GOLGA4: variants seen among roughly 807,000 people sequenced by gnomAD.
The protein encoded by GOLGA4 is golgin subfamily A member 4.
Under a neutral mutation model 265.9 loss-of-function variants are expected in GOLGA4, and 169 were observed. The observed-to-expected ratio is 0.64, with a 90% CI of 0.56 to 0.72. GOLGA4 has a LOEUF of 0.72. Ranked by LOEUF, GOLGA4 falls within the 30% of genes least tolerant of loss-of-function variation. The pLI is 0.00. For missense variants in GOLGA4, 2,482 were observed against 2,483.4 expected (o/e 1.00, Z 0.01); for synonymous variants, 923 against 855.8 (o/e 1.08, Z -1.37).
chr3:37,362,208 TA>T lies in GOLGA4; in HGVS notation c.*33+904del, dbSNP rs1406155021. 5.5e-4 allele frequency among the ~76,000 whole-genome samples: 19 copies of T among 34,818 alleles called. No homozygotes were observed. In the South Asian group the frequency reaches 0.018, roughly 33 times the overall value. 22.8% of individuals were successfully genotyped at this position (34,818 alleles called of 152,430 possible). ...CCGTTCTTTTAAGCTTTTATTTATT[TA>T]TTTATTTATTTATTTATTTATTTAT... On this transcript the variant is annotated intron_variant, in intron 23 of 23. Transcript: ENST00000361924.
chr3:37,337,069 T>C lies in GOLGA4; in HGVS notation c.6307-74T>C, dbSNP rs111357122. 1.3e-5 allele frequency: 12 copies of C among 957,780 alleles called. No individual in the cohort carries two copies. In the African/African-American group the frequency reaches 1.5e-4, roughly 12 times the overall value. 59.3% of individuals were successfully genotyped at this position (957,780 alleles called of 1,614,324 possible). Reference sequence around the variant, plus strand: ...CCTGACTTCCTTTTTCCTTATATCTTTATATTGCTTTGTTTTACTGTTTCT... The same window carrying C: ...CCTGACTTCCTTTTTCCTTATATCTCTATATTGCTTTGTTTTACTGTTTCT... On this transcript the variant is annotated intron_variant, in intron 17 of 23. Transcript: ENST00000361924.
chr3:37,319,205 A>AT lies in GOLGA4; in HGVS notation c.1545+22dup, dbSNP rs748990519. The AT allele has an allele frequency of 0.042, 49,874 of 1,179,442 alleles. 6 individuals are homozygous for AT. Among genetic ancestry groups the AT allele is most frequent in the South Asian group, 0.057 (3,369 of 59,318 alleles). The allele number at this position is 1,179,442 out of a possible 1,614,324, so 73.1% of individuals were successfully genotyped here. On this transcript the variant is annotated intron_variant, in intron 12 of 23. Coordinates refer to ENST00000361924, the MANE Select transcript of GOLGA4 (RefSeq NM_002078.5). ...ATGAAAGTAGCTCTTGTAAGTGACT[A>AT]TTTTTTTTTTTCTGCTATAGGTATA...
chr3:37,273,606 GTTAC>G (rs2096804954), intron 2 of GOLGA4: 1 of 1,400,470 alleles, frequency 7.1e-7, no homozygotes. Flanking sequence ...CCTCAGGTCT[GTTAC>G]TAATTGTTAT....
intron 23 of GOLGA4, 33 bp from the exon 24 acceptor site, chr3:37,366,045 CCT>C: frequency 6.6e-7 from 1 of 1,510,994 alleles, no homozygotes; most frequent in Non-Finnish European, 8.8e-7. Context: ...TTTTTTGCCC[CCT>C]TTCTTTATTC....
chr3:37,327,394 C>T lies in GOLGA4; in HGVS notation c.5508C>T (p.Asp1836=), dbSNP rs369396104. 6.3e-5 allele frequency: 102 copies of T among 1,613,640 alleles called. No individual in the cohort carries two copies. Among genetic ancestry groups the T allele is most frequent in the African/African-American group, 6.0e-4 (45 of 74,874 alleles). The change falls in exon 14 of 24, where the codon GAC becomes GAT. Residue 1836 remains aspartate, a synonymous_variant. Coordinates refer to ENST00000361924, the MANE Select transcript of GOLGA4 (RefSeq NM_002078.5). The part of the protein sequence containing the change: ...QAKQNLENVF[D]DVQKTLQEKE... ...AGCAAAACTTGGAAAATGTGTTTGA[C>T]GACGTCCAGAAAACCCTCCAGGAGA...
In GOLGA4 at chr3:37,327,352, A is replaced by G; in HGVS notation, c.5466A>G (p.Lys1822=). The change falls in exon 14 of 24, where the codon AAA becomes AAG. Residue 1822 remains lysine (K), a synonymous_variant. Transcript: ENST00000361924. The stretch of plus-strand genomic sequence containing the variant: ...AGCATGTGGAAAAAGAAGGAGGTAA[A>G]AATAACATACAGGCAAAGCAAAACT... ...VAQHVEKEGG[K]NNIQAKQNLE... 1 of 1,613,910 alleles carries G rather than the reference A, an allele frequency of 6.2e-7. No homozygotes were observed. Among genetic ancestry groups the G allele is most frequent in the Non-Finnish European group, 8.5e-7 (1 of 1,179,838 alleles).
At chr3:37,304,014 C>G (rs767047919) in intron 10 of GOLGA4, among the ~76,000 whole-genome samples, 1 of 152,048 alleles carries the variant, frequency 6.6e-6, no homozygotes, top group African/African-American at 2.4e-5. Flanking sequence ...AAGATTTAAT[C>G]CAGGCATTGT....
intron 22 of GOLGA4, among the ~76,000 whole-genome samples, chr3:37,356,727 G>A (rs561123593): frequency 6.6e-6 from 1 of 152,176 alleles, no homozygotes; most frequent in Admixed American, 6.5e-5. Flanking sequence ...TGCAGTTTGA[G>A]CCTGTTGACA....
intron 5 of GOLGA4, among the ~76,000 whole-genome samples, chr3:37,293,930 A>G (rs1244453424): frequency 2.0e-5 from 3 of 152,244 alleles, no homozygotes; most frequent in Non-Finnish European, 4.4e-5. Context: ...AACTCTGTAG[A>G]CAGTTGTAAC....
rs190493960 is a variant in GOLGA4, at chr3:37,289,819, T to G, written c.582+528T>G. Among the ~76,000 whole-genome samples the G allele has an allele frequency of 2.0e-3, 304 of 152,346 alleles. 2 individuals carry two copies. The highest frequency in any genetic ancestry group is 3.2e-3 in the Non-Finnish European group (215 of 68,030). On this transcript the variant is annotated intron_variant, in intron 5 of 23. Transcript: ENST00000361924. ...CTGTTGACTTTTGGGGTTCTCCTGCTGTCAGGTCCATCTGATACCTTGTCG... is the reference window on the plus strand; with the variant it reads ...CTGTTGACTTTTGGGGTTCTCCTGCGGTCAGGTCCATCTGATACCTTGTCG...
chr3:37,362,780 C>CCTTTTTTT (rs1375290747), intron 23 of GOLGA4, among the ~76,000 whole-genome samples: 4 of 75,464 alleles, frequency 5.3e-5, no homozygotes, highest in South Asian at 7.1e-4. Context: ...AGCCTCTAAG[C>CCTTTTTTT]TTTTTTTTTT....
intron 2 of GOLGA4, among the ~76,000 whole-genome samples, chr3:37,270,009 TCAGGCTCCCAAG>T (rs1158030332): frequency 2.0e-5 from 3 of 146,976 alleles, no homozygotes; most frequent in Admixed American, 1.4e-4. Context: ...TTCTCCTGCC[TCAGGCTCCCAAG>T]CAGCTGGTAT....
At chr3:37,305,522 A>G (rs537227463) in intron 10 of GOLGA4, among the ~76,000 whole-genome samples, 14 of 152,358 alleles carry the variant, frequency 9.2e-5, no homozygotes, top group East Asian at 5.8e-4. Context: ...GAAAACTTCC[A>G]ATTAAGTACT....
chr3:37,327,664 T>C lies in GOLGA4; in HGVS notation c.5778T>C (p.Asn1926=), dbSNP rs759101703. The change falls in exon 14 of 24, where the codon AAT becomes AAC. Residue 1926 remains asparagine, a synonymous_variant. Transcript: ENST00000361924. ...KLLSNMEAQH[N]DLEFKLAGAE... The stretch of plus-strand genomic sequence containing the variant: ...TTAGTAACATGGAAGCCCAGCACAA[T>C]GATCTGGAGTTTAAATTAGCCGGGG... 5.0e-6 allele frequency: 8 copies of C among 1,613,974 alleles called. No individual in the cohort carries two copies. The South Asian group carries it at 8.8e-5, about 18-fold the overall frequency.
intron 20 of GOLGA4, among the ~76,000 whole-genome samples, chr3:37,346,560 CTTG>C (rs141604744): frequency 0.013 from 1,969 of 152,092 alleles, 36 homozygotes; most frequent in African/African-American, 0.045. Flanking sequence ...AGTATATTCT[CTTG>C]TTGGTGGGCA....
At chr3:37,274,332 A>C (rs547203319) in intron 2 of GOLGA4, among the ~76,000 whole-genome samples, 10 of 152,188 alleles carry the variant, frequency 6.6e-5, no homozygotes, top group African/African-American at 2.2e-4. Flanking sequence ...TTAAAAAGTT[A>C]TTTATAAAGA....
Position 37,325,955 on chromosome 3 carries a change from T to G in GOLGA4, c.4069T>G (p.Leu1357Val). The change falls in exon 14 of 24, where the codon TTG becomes GTG. Residue 1357 changes from leucine (L) to valine (V), a missense_variant. Coordinates refer to ENST00000361924, the MANE Select transcript of GOLGA4 (RefSeq NM_002078.5). ...ATCTGAAAACATCAATGCTGTCACATTGATGAAAGAAGAGCTTAAAGAAAA... is the reference window on the plus strand; with the variant it reads ...ATCTGAAAACATCAATGCTGTCACAGTGATGAAAGAAGAGCTTAAAGAAAA... ...ELSENINAVTLMKEELKEKKV... is the reference protein window; with the variant it reads ...ELSENINAVTVMKEELKEKKV... 12 of 1,612,072 alleles carry G rather than the reference T, an allele frequency of 7.4e-6. No individual in the cohort carries two copies. Among genetic ancestry groups the G allele is most frequent in the Non-Finnish European group, 1.0e-5 (12 of 1,178,520 alleles).
intron 23 of GOLGA4, among the ~76,000 whole-genome samples, chr3:37,363,819 C>T (rs1273582719): frequency 3.3e-5 from 5 of 152,134 alleles, no homozygotes; most frequent in Admixed American, 3.3e-4. Context: ...TTTCACATTG[C>T]ATTTAGTGGT....
At chr3:37,334,509 G>A (rs2097002911) in intron 16 of GOLGA4, among the ~76,000 whole-genome samples, 2 of 151,938 alleles carry the variant, frequency 1.3e-5, no homozygotes, top group South Asian at 2.1e-4. Context: ...AACTAAAGAG[G>A]GTGAGAAAAA....
Sources: allele counts gnomAD v4.1 joint callset (sites outside exome capture counted in the v4.1 genomes callset), GRCh38; gene constraint gnomAD v4.1.1; transcripts MANE v1.5; gene names NCBI Gene and HGNC (gene_info 2026-07-23, HGNC 2026-07-21).